Variants in BCAT1 observed in about 807,000 individuals in gnomAD.
The protein encoded by BCAT1 is branched-chain-amino-acid aminotransferase, cytosolic.
BCAT1 carries 48 observed loss-of-function variants against 52.4 expected under a neutral mutation model. That is an observed-to-expected ratio of 0.92 (90% CI 0.73 to 1.16). BCAT1 has a LOEUF of 1.16. Ranked by LOEUF, BCAT1 falls within the 50% of genes most tolerant of loss-of-function variation. The pLI is 0.00. For synonymous variants in BCAT1, 167 were observed against 161.3 expected, an observed-to-expected ratio of 1.04 and a Z score of -0.27; for missense variants, 451 against 457.1, an observed-to-expected ratio of 0.99 and a Z score of 0.12.
At chr12:24,874,743 T>C (rs1942278694) in intron 5 of BCAT1, among the ~76,000 whole-genome samples, 1 of 152,230 alleles carries the variant, frequency 6.6e-6, no homozygotes, top group Admixed American at 6.5e-5. Context: ...AAATTTCGAT[T>C]TGGGTCTGGG....
chr12:24,855,678 G>A (rs1159284033), intron 5 of BCAT1, among the ~76,000 whole-genome samples: 1 of 152,230 alleles, frequency 6.6e-6, no homozygotes, highest in Non-Finnish European at 1.5e-5. Flanking sequence ...ACCACGCCTG[G>A]CACCATTCTT....
chr12:24,835,546 TTTTATTTTA>T (rs1282047789), intron 8 of BCAT1, among the ~76,000 whole-genome samples: 1 of 145,074 alleles, frequency 6.9e-6, no homozygotes, highest in African/African-American at 2.6e-5. Flanking sequence ...CCTTTTTAAA[TTTTATTTTA>T]TTTATTTATT....
chr12:24,941,127 A>T (rs1943841109), intron 1 of BCAT1, among the ~76,000 whole-genome samples: 1 of 152,246 alleles, frequency 6.6e-6, no homozygotes, highest in Admixed American at 6.5e-5. Flanking sequence ...GTGATTGAAC[A>T]GGCTGGCATT....
chr12:24,920,066 ATACACT>A (rs1943480098), intron 1 of BCAT1, among the ~76,000 whole-genome samples: 1 of 152,138 alleles, frequency 6.6e-6, no homozygotes, highest in Non-Finnish European at 1.5e-5. Context: ...AAATGGACTA[ATACACT>A]TACCCTCTCT....
At chr12:24,894,248 C>T (rs1565486878) in intron 3 of BCAT1, 27 bp downstream of exon 3, 1 of 1,606,894 alleles carries the variant, frequency 6.2e-7, no homozygotes, top group Non-Finnish European at 8.5e-7. Flanking sequence ...GCAAGCATGT[C>T]ACTCTCTTTA....
intron 2 of BCAT1, among the ~76,000 whole-genome samples, chr12:24,894,791 A>G (rs971938919): frequency 6.6e-6 from 1 of 152,184 alleles, no homozygotes; most frequent in African/African-American, 2.4e-5. Flanking sequence ...TCACCATAGG[A>G]CTCATGTTGA....
intron 5 of BCAT1, among the ~76,000 whole-genome samples, chr12:24,855,591 G>C (rs527316582): frequency 6.6e-6 from 1 of 152,118 alleles, no homozygotes; most frequent in South Asian, 2.1e-4. Flanking sequence ...ATGTTGGCCA[G>C]GCTGGTCTCA....
At chr12:24,853,281 A>T (rs1941570185) in intron 5 of BCAT1, among the ~76,000 whole-genome samples, 1 of 152,194 alleles carries the variant, frequency 6.6e-6, no homozygotes, top group Non-Finnish European at 1.5e-5. Flanking sequence ...AAAAGAATGA[A>T]CTCATGTCAT....
intron 1 of BCAT1, among the ~76,000 whole-genome samples, chr12:24,947,548 C>G (rs1034990924): frequency 3.3e-5 from 5 of 152,196 alleles, no homozygotes; most frequent in African/African-American, 1.2e-4. Context: ...CTTAATGGAA[C>G]CTTCCATACT....
At chr12:24,940,144 C>A (rs1943826711) in intron 1 of BCAT1, among the ~76,000 whole-genome samples, 1 of 152,182 alleles carries the variant, frequency 6.6e-6, no homozygotes, top group South Asian at 2.1e-4. Flanking sequence ...TTTGTAATCA[C>A]AAACAATGCT....
intron 5 of BCAT1, among the ~76,000 whole-genome samples, chr12:24,856,178 A>G (rs947946492): frequency 6.6e-6 from 1 of 152,190 alleles, no homozygotes; most frequent in African/African-American, 2.4e-5. Context: ...ACCTGCAAAT[A>G]AACACCCTCC....
intron 5 of BCAT1, among the ~76,000 whole-genome samples, chr12:24,853,837 C>A (rs1471612840): frequency 6.6e-6 from 1 of 152,050 alleles, no homozygotes; most frequent in Non-Finnish European, 1.5e-5. Flanking sequence ...TTTTACTCTA[C>A]TAGCTTCCTG....
At chr12:24,858,558 G>A (rs185110672) in intron 5 of BCAT1, among the ~76,000 whole-genome samples, 32 of 152,340 alleles carry the variant, frequency 2.1e-4, no homozygotes, top group African/African-American at 7.0e-4. Context: ...CTGGGGACAT[G>A]TGGAGTTGGC....
chr12:24,883,672 AG>A (rs1942570528), intron 3 of BCAT1, among the ~76,000 whole-genome samples: 1 of 152,222 alleles, frequency 6.6e-6, no homozygotes, highest in African/African-American at 2.4e-5. Flanking sequence ...TATATCCAAA[AG>A]CAGCAGTCCC....
intron 1 of BCAT1, among the ~76,000 whole-genome samples, chr12:24,926,767 T>G (rs1442657757): frequency 2.6e-5 from 4 of 152,146 alleles, no homozygotes; most frequent in Non-Finnish European, 4.4e-5. Flanking sequence ...CAGCATGCTC[T>G]TTAAGAGTCA....
intron 6 of BCAT1, among the ~76,000 whole-genome samples, chr12:24,843,373 A>G (rs548915087): frequency 6.6e-6 from 1 of 152,196 alleles, no homozygotes; most frequent in African/African-American, 2.4e-5. Context: ...GGAGCCTAAG[A>G]TGGGCGGATC....
Position 24,925,303 on chromosome 12 carries a change from G to A in BCAT1, c.7-23418C>T, listed in dbSNP as rs544775897. Reference sequence around the variant, plus strand: ...CCTGCCCTGCAAATTTCAGACTCACGACTGCAACATCAACTCTTACCAGAA... The same window carrying A: ...CCTGCCCTGCAAATTTCAGACTCACAACTGCAACATCAACTCTTACCAGAA... On this transcript the variant is annotated intron_variant, in intron 1 of 10. Transcript: ENST00000261192. Among the ~76,000 whole-genome samples the A allele has an allele frequency of 2.6e-5, 4 of 152,166 alleles. No homozygotes were observed. In the South Asian group the frequency reaches 6.2e-4, roughly 24 times the overall value.
At chr12:24,854,762 TCAAA>T (rs1370949356) in intron 5 of BCAT1, among the ~76,000 whole-genome samples, 3 of 152,208 alleles carry the variant, frequency 2.0e-5, no homozygotes, top group Non-Finnish European at 4.4e-5. Context: ...AACTGAGGCT[TCAAA>T]CAATTTGCCC....
chr12:24,827,981 G>A lies in BCAT1; in HGVS notation c.1119+1842C>T, dbSNP rs375762133. On this transcript the variant is annotated intron_variant, in intron 10 of 10. Coordinates refer to ENST00000261192, the MANE Select transcript of BCAT1 (RefSeq NM_005504.7). ...TGCCTAGGCTAGTCTTGAACACCTG[G>A]CCTCAAGCGATCCTCCTGTCTTGGC... Among the ~76,000 whole-genome samples, 4 of 151,946 alleles carry A rather than the reference G, an allele frequency of 2.6e-5. 1 individual carries two copies. The East Asian group carries it at 7.7e-4, about 29-fold the overall frequency.
Sources: allele counts gnomAD v4.1 joint callset (sites outside exome capture counted in the v4.1 genomes callset), GRCh38; gene constraint gnomAD v4.1.1; transcripts MANE v1.5; gene names NCBI Gene and HGNC (gene_info 2026-07-23, HGNC 2026-07-21).